RBFOX1: variants seen among roughly 807,000 people sequenced by gnomAD.
RBFOX1 encodes the protein RNA binding protein fox-1 homolog 1.
In RBFOX1, 8 loss-of-function variants were observed where a neutral mutation model predicts 57.7. The ratio of observed to expected loss-of-function variants is 0.14; its 90% CI spans 0.08 to 0.25. The LOEUF (loss-of-function observed/expected upper bound fraction) is 0.25. Among genes scored for constraint, RBFOX1 ranks in the 10% least tolerant of loss-of-function variants. The pLI, the probability that RBFOX1 is intolerant of heterozygous loss-of-function variation, is 1.00. For synonymous variants in RBFOX1, 326 were observed against 222.4 expected (o/e 1.47, Z -4.15); for missense variants, 611 against 548.5 (o/e 1.11, Z -1.14).
At chr16:6,902,411 A>T (rs1444781149) in intron 3 of RBFOX1, among the ~76,000 whole-genome samples, 1 of 152,150 alleles carries the variant, frequency 6.6e-6, no homozygotes, top group Non-Finnish European at 1.5e-5. Context: ...TCCAGGCCAT[A>T]CTCAGAAGAC....
intron 4 of RBFOX1, among the ~76,000 whole-genome samples, chr16:7,426,323 G>T (rs2098611174): frequency 6.6e-6 from 1 of 152,176 alleles, no homozygotes. Context: ...CAGCTAACAA[G>T]AGGTGATTAG....
intron 4 of RBFOX1, among the ~76,000 whole-genome samples, chr16:7,497,648 G>C (rs1048785299): frequency 2.0e-5 from 3 of 152,218 alleles, no homozygotes; most frequent in African/African-American, 4.8e-5. Flanking sequence ...TACCTCTAGT[G>C]CATTTCTAAA....
intron 4 of RBFOX1, among the ~76,000 whole-genome samples, chr16:7,234,308 T>C (rs2093657295): frequency 6.6e-6 from 1 of 151,948 alleles, no homozygotes; most frequent in Non-Finnish European, 1.5e-5. Context: ...TATCTTCCAG[T>C]GGGTTGGTGT....
chr16:6,607,602 C>A (rs2097958065), intron 2 of RBFOX1, among the ~76,000 whole-genome samples: 1 of 151,220 alleles, frequency 6.6e-6, no homozygotes, highest in Non-Finnish European at 1.5e-5. Context: ...CTCTCTCTCT[C>A]CTCTCTCTTT....
intron 4 of RBFOX1, among the ~76,000 whole-genome samples, chr16:7,209,816 A>G (rs1240263379): frequency 6.6e-6 from 1 of 152,144 alleles, no homozygotes; most frequent in Non-Finnish European, 1.5e-5. Context: ...GGATGATGCA[A>G]TAGATGAATG....
At chr16:5,772,371 G>C (rs964545097) in intron 3 of RBFOX1, among the ~76,000 whole-genome samples, 1 of 152,072 alleles carries the variant, frequency 6.6e-6, no homozygotes, top group Non-Finnish European at 1.5e-5. Flanking sequence ...CCAAATTCCT[G>C]AGCTCCACTT....
intron 3 of RBFOX1, among the ~76,000 whole-genome samples, chr16:6,827,492 A>G (rs900265282): frequency 6.6e-6 from 1 of 152,152 alleles, no homozygotes; most frequent in African/African-American, 2.4e-5. Flanking sequence ...TATTCATCAC[A>G]CTTCAGCAGG....
chr16:7,372,492 A>G (rs932764588), intron 4 of RBFOX1, among the ~76,000 whole-genome samples: 4 of 152,146 alleles, frequency 2.6e-5, no homozygotes, highest in Non-Finnish European at 4.4e-5. Context: ...GTGGCCATGT[A>G]CAGAAAGAGA....
At chr16:6,772,302 C>T (rs1046086101) in intron 3 of RBFOX1, among the ~76,000 whole-genome samples, 1 of 152,106 alleles carries the variant, frequency 6.6e-6, no homozygotes, top group East Asian at 1.9e-4. Flanking sequence ...GACCCTAGTA[C>T]AGAGGAAGGA....
At chr16:5,381,436 G>T (rs183009039) in intron 1 of RBFOX1, among the ~76,000 whole-genome samples, 9 of 152,208 alleles carry the variant, frequency 5.9e-5, no homozygotes, top group Non-Finnish European at 1.2e-4. Flanking sequence ...TCTGGCTCAC[G>T]TGCAGATTTG....
At chr16:6,525,269 G>A (rs766293894) in intron 2 of RBFOX1, among the ~76,000 whole-genome samples, 2 of 152,194 alleles carry the variant, frequency 1.3e-5, no homozygotes. Flanking sequence ...GAGAACCACT[G>A]CAGAATTATC....
At chr16:7,254,857 C>T (rs534505115) in intron 4 of RBFOX1, among the ~76,000 whole-genome samples, 1 of 152,096 alleles carries the variant, frequency 6.6e-6, no homozygotes, top group Non-Finnish European at 1.5e-5. Flanking sequence ...TGATTTTGGT[C>T]TGAAATAGGT....
intron 4 of RBFOX1, among the ~76,000 whole-genome samples, chr16:7,368,457 G>A (rs550720004): frequency 5.9e-5 from 9 of 151,678 alleles, no homozygotes; most frequent in South Asian, 2.1e-4. Context: ...TGGAGGTCTC[G>A]AAACACCCTT....
chr16:7,409,080 C>A (rs2098393873), intron 4 of RBFOX1, among the ~76,000 whole-genome samples: 1 of 152,196 alleles, frequency 6.6e-6, no homozygotes, highest in African/African-American at 2.4e-5. Context: ...ACTCCTCCAG[C>A]TTTTCCCGAT....
At chr16:5,633,599 T>C in intron 3 of RBFOX1, among the ~76,000 whole-genome samples, 1 of 151,796 alleles carries the variant, frequency 6.6e-6, no homozygotes, top group Non-Finnish European at 1.5e-5. Context: ...AAGGGCTGGG[T>C]GTGGTGGCTC....
chr16:6,589,309 A>C (rs1402204092), intron 2 of RBFOX1, among the ~76,000 whole-genome samples: 1 of 152,202 alleles, frequency 6.6e-6, no homozygotes, highest in African/African-American at 2.4e-5. Flanking sequence ...TGTGTAATTC[A>C]CCCAGAGCCA....
chr16:5,439,980 C>A (rs2068035505), intron 1 of RBFOX1, among the ~76,000 whole-genome samples: 1 of 152,048 alleles, frequency 6.6e-6, no homozygotes, highest in Non-Finnish European at 1.5e-5. Context: ...AGGATAAATG[C>A]CAGAGCTAAA....
At chr16:6,536,250 C>G (rs943012464) in intron 2 of RBFOX1, among the ~76,000 whole-genome samples, 2 of 152,190 alleles carry the variant, frequency 1.3e-5, no homozygotes, top group African/African-American at 4.8e-5. Flanking sequence ...AGATAAATCT[C>G]TAGTATCCTC....
chr16:6,643,928 C>A (rs1437087113), intron 2 of RBFOX1, among the ~76,000 whole-genome samples: 2 of 152,076 alleles, frequency 1.3e-5, no homozygotes, highest in African/African-American at 2.4e-5. Flanking sequence ...GAGTTTGAGA[C>A]CAGCCTGGCC....
Sources: gnomAD v4.1 joint callset for allele counts (sites outside exome capture counted in the v4.1 genomes callset) on GRCh38, gnomAD v4.1.1 for gene constraint, MANE v1.5 for transcripts, NCBI Gene and HGNC (gene_info 2026-07-23, HGNC 2026-07-21) for gene names.